Variants in TPGS1 observed in about 807,000 individuals in gnomAD.
TPGS1 encodes gene trap ROSA b-geo 22.
A neutral mutation model predicts 11.9 loss-of-function variants in TPGS1; 18 were observed. The ratio of observed to expected loss-of-function variants is 1.51; its 90% CI spans 1.04 to 2.24. The LOEUF is 2.24. Among genes scored for constraint, TPGS1 ranks in the 30% most tolerant of loss-of-function variants. The probability of loss-of-function intolerance (pLI) is 0.00; values close to 1 mark genes in which losing one functional copy is unlikely to be tolerated. For synonymous variants in TPGS1, 247 were observed against 218.2 expected, an observed-to-expected ratio of 1.13 and a Z score of -1.16; for missense variants, 500 against 443.0, an observed-to-expected ratio of 1.13 and a Z score of -1.16.
At chr19:510,559 A>G (rs372991068) in intron 1 of TPGS1, among the ~76,000 whole-genome samples, 9 of 152,114 alleles carry the variant, frequency 5.9e-5, no homozygotes, top group East Asian at 1.9e-4. Flanking sequence ...TCCGGCCGCC[A>G]GGGCTGGTGA....
rs989512456 is a variant in TPGS1 at position 519,280 on chromosome 19, G to T, written c.730G>T (p.Gly244Cys). The change falls in exon 2 of 2, where the codon GGC becomes TGC. Residue 244 changes from glycine to cysteine, a missense_variant. Physicochemically the swap from Gly to Cys is radical, Grantham distance 159. Transcript: ENST00000359315. ...AAAPARFLEA[G>C]SRLGPDSLAL... ...CGCGCCCGCGCGCTTCCTGGAGGCC[G>T]GCTCGCGCTTGGGGCCCGACAGCCT... 66 of 1,193,692 alleles carry T rather than the reference G, an allele frequency of 5.5e-5. No homozygotes were observed. Among genetic ancestry groups the T allele is most frequent in the Non-Finnish European group, 6.6e-5 (64 of 965,070 alleles). The allele number at this position is 1,193,692 out of a possible 1,614,324, so 73.9% of individuals were successfully genotyped here.
At chr19:508,178 C>T in intron 1 of TPGS1, 1 of 230,396 alleles carries the variant, frequency 4.3e-6, no homozygotes, top group Non-Finnish European at 8.4e-6. Flanking sequence ...GGTCGCAGAG[C>T]CAGCCCCCGA....
intron 1 of TPGS1, among the ~76,000 whole-genome samples, chr19:510,930 C>T (rs1313084532): frequency 6.6e-6 from 1 of 152,244 alleles, no homozygotes; most frequent in Non-Finnish European, 1.5e-5. Flanking sequence ...CTCCCCGAGT[C>T]GTGACAACCA....
At chr19:511,645 TGCACACCGAGGGG>T in intron 1 of TPGS1, among the ~76,000 whole-genome samples, 1 of 152,250 alleles carries the variant, frequency 6.6e-6, no homozygotes, top group Non-Finnish European at 1.5e-5. Context: ...CACAGAGCCC[TGCACACCGAGGGG>T]CCGCGTGGAT....
At chr19:513,925 A>C (rs1392329814) in intron 1 of TPGS1, among the ~76,000 whole-genome samples, 1 of 145,552 alleles carries the variant, frequency 6.9e-6, no homozygotes, top group East Asian at 2.1e-4. Flanking sequence ...ACTGTGCACT[A>C]GTCCTGCATT....
In TPGS1 at chr19:518,958, G is replaced by C; in HGVS notation, c.408G>C (p.Pro136=). The change falls in exon 2 of 2, where the codon CCG becomes CCC. Residue 136 remains proline (P), a synonymous_variant. Coordinates refer to ENST00000359315, the MANE Select transcript of TPGS1 (RefSeq NM_033513.3). ...GCGCCGGCGGGCGCAGGAAGAGGCC[G>C]GGGCTGGACGGGCGCACCTACAGCG... ...CLSAGGRRKR[P]GLDGRTYSEL... The C allele has an allele frequency of 3.2e-6, 5 of 1,585,324 alleles. No homozygotes were observed. The highest frequency in any genetic ancestry group is 4.3e-6 in the Non-Finnish European group (5 of 1,172,858).
intron 1 of TPGS1, among the ~76,000 whole-genome samples, chr19:516,234 T>G (rs1481715233): frequency 6.6e-6 from 1 of 152,158 alleles, no homozygotes; most frequent in African/African-American, 2.4e-5. Flanking sequence ...GATCACCGGC[T>G]CAGCTGGACA....
At chr19:513,248 C>T (rs2068587961) in intron 1 of TPGS1, among the ~76,000 whole-genome samples, 1 of 152,210 alleles carries the variant, frequency 6.6e-6, no homozygotes, top group Admixed American at 6.5e-5. Context: ...CTGCGACTGC[C>T]CCCAGCGCAT....
intron 1 of TPGS1, among the ~76,000 whole-genome samples, chr19:515,815 G>T (rs565857426): frequency 6.6e-6 from 1 of 152,028 alleles, no homozygotes; most frequent in South Asian, 2.1e-4. Context: ...GGTGGATCAC[G>T]AGGTCAGGAG....
intron 1 of TPGS1, chr19:509,629 C>G (rs977667850): frequency 1.3e-5 from 2 of 152,402 alleles, no homozygotes; most frequent in Non-Finnish European, 2.9e-5. Context: ...CTGCCTCCGT[C>G]GTCACGTGGC....
At chr19:518,380 T>A in intron 1 of TPGS1, among the ~76,000 whole-genome samples, 1 of 6,720 alleles carries the variant, frequency 1.5e-4, no homozygotes, top group East Asian at 3.7e-3. Context: ...GAGTAGGGGC[T>A]GGGAAGAGGG....
intron 1 of TPGS1, chr19:508,667 G>A (rs75263954): frequency 3.5e-4 from 53 of 152,708 alleles, no homozygotes; most frequent in African/African-American, 1.2e-3. Flanking sequence ...GGGGTGGGAA[G>A]AGCAGGCAGG....
At chr19:513,363 G>A (rs1978857200) in intron 1 of TPGS1, among the ~76,000 whole-genome samples, 1 of 152,304 alleles carries the variant, frequency 6.6e-6, no homozygotes, top group East Asian at 1.9e-4. Context: ...AGCCAGATGG[G>A]CCTAGAGTTG....
intron 1 of TPGS1, among the ~76,000 whole-genome samples, chr19:511,843 C>A (rs945195874): frequency 6.6e-6 from 1 of 152,132 alleles, no homozygotes; most frequent in South Asian, 2.1e-4. Context: ...AAACTCTTCT[C>A]GCTTACTCTG....
intron 1 of TPGS1, among the ~76,000 whole-genome samples, chr19:517,010 TGCC>T (rs199977246): frequency 7.1e-6 from 1 of 140,576 alleles, no homozygotes. Context: ...GACAGATGCC[TGCC>T]GTTGATTCAA....
At chr19:516,763 G>A (rs932415964) in intron 1 of TPGS1, among the ~76,000 whole-genome samples, 22 of 152,146 alleles carry the variant, frequency 1.4e-4, no homozygotes, top group African/African-American at 4.8e-4. Flanking sequence ...TGCTAGGGAG[G>A]TAAGCAGGAA....
chr19:515,981 G>T (rs193278328), intron 1 of TPGS1, among the ~76,000 whole-genome samples: 1 of 149,140 alleles, frequency 6.7e-6, no homozygotes, highest in African/African-American at 2.5e-5. Flanking sequence ...GCAGTGAGCC[G>T]AGATCCCGCC....
intron 1 of TPGS1, among the ~76,000 whole-genome samples, chr19:516,853 G>C (rs1055072045): frequency 1.3e-5 from 2 of 152,166 alleles, no homozygotes; most frequent in Non-Finnish European, 2.9e-5. Context: ...GAGAAGACAG[G>C]CTGTTAACAT....
At chr19:508,030 G>A (rs895284506) in intron 1 of TPGS1, 186 bp downstream of exon 1, 8 of 444,200 alleles carry the variant, frequency 1.8e-5, no homozygotes, top group African/African-American at 1.0e-4. Flanking sequence ...GCTTCGGTCC[G>A]GCGCTAGGCA....
Sources: gnomAD v4.1 joint callset for allele counts (sites outside exome capture counted in the v4.1 genomes callset) on GRCh38, gnomAD v4.1.1 for gene constraint, MANE v1.5 for transcripts, NCBI Gene and HGNC (gene_info 2026-07-23, HGNC 2026-07-21) for gene names.